The following CAMKK2 variants were observed in gnomAD, a reference collection of about 807,000 sequenced individuals.
CAMKK2 encodes the protein calcium/calmodulin dependent protein kinase kinase 2.
Under a neutral mutation model 67.2 loss-of-function variants are expected in CAMKK2, and 30 were observed. The observed-to-expected ratio is 0.45, with a 90% confidence interval of 0.33 to 0.61. The LOEUF (loss-of-function observed/expected upper bound fraction) is 0.61, where lower values mean the gene tolerates loss of function less well. CAMKK2 is among the 20% of genes least tolerant of loss of function. The pLI is 0.02. For synonymous variants in CAMKK2, 322 were observed against 326.2 expected (o/e 0.99, Z 0.14); for missense variants, 643 against 802.0 (o/e 0.80, Z 2.39).
rs375427191 is a variant in CAMKK2, at chr12:121,273,975, CA to C, written c.471+80del. The C allele has an allele frequency of 4.6e-4, 513 of 1,123,606 alleles. 2 individuals carry two copies. In the East Asian group the frequency reaches 0.012, roughly 27 times the overall value. The allele number at this position is 1,123,606 out of a possible 1,614,324, so 69.6% of individuals were successfully genotyped here. On this transcript the variant is annotated intron_variant, in intron 2 of 16. Transcript: ENST00000404169. ...GCACTCAGATCCTTCTGGGGGAGCC[CA>C]ACCTTCCACAGAGGCCCTGCTGGGG...
At position 121,240,404 on chromosome 12, in the gene CAMKK2, T is replaced by G. The variant is rs1888117597; in HGVS notation, c.*295A>C. The G allele has an allele frequency of 6.7e-7, 1 of 1,500,692 alleles. No individual in the cohort carries two copies. The highest frequency in any genetic ancestry group is 2.5e-5 in the East Asian group (1 of 40,714). 93.0% of individuals were successfully genotyped at this position (1,500,692 alleles called of 1,614,324 possible). On this transcript the variant is annotated 3_prime_UTR_variant, in exon 17 of 17. Transcript: ENST00000404169. This position sits in a 1 kb window ranked among gnomAD's most constrained non-coding sequence, Gnocchi z 4.4. ...TCTGAAAATCACAATGAAGGATTTT[T>G]GGCATAAAAACGTTTTAAAAAGCAA...
At chr12:121,255,303 T>TTTATATATAATTTTATATATATATAA (rs1891869426) in intron 9 of CAMKK2, among the ~76,000 whole-genome samples, 1 of 23,058 alleles carries the variant, frequency 4.3e-5, no homozygotes, top group Non-Finnish European at 9.7e-5. Flanking sequence ...TATATATAAT[T>TTTATATATAATTTTATATATATATAA]TTATATATAA....
At chr12:121,290,600 G>A (rs920804291) in intron 1 of CAMKK2, among the ~76,000 whole-genome samples, 1 of 152,162 alleles carries the variant, frequency 6.6e-6, no homozygotes, top group East Asian at 1.9e-4. Flanking sequence ...TGAGGCAGGA[G>A]GATCTCTTGA....
In CAMKK2 at chr12:121,274,275, G is replaced by A. The variant is rs774685926; in HGVS notation, c.252C>T (p.Asp84=). Residue 84 remains aspartate (D), a synonymous_variant, in exon 2 of 17, where the codon GAC becomes GAT. Transcript: ENST00000404169. ...LEADGQEVPL[D]TSGSQARPHL... ...GGGGCCGGGCCTGGGACCCGGAGGT[G>A]TCAAGGGGGACCTCTTGGCCATCGG... is the stretch of plus-strand genomic sequence containing the variant. 2 of 1,612,288 alleles carry A rather than the reference G, an allele frequency of 1.2e-6. No individual in the cohort carries two copies. Among genetic ancestry groups the A allele is most frequent in the Non-Finnish European group, 1.7e-6 (2 of 1,179,082 alleles).
chr12:121,257,178 G>A (rs1026567659), intron 7 of CAMKK2, among the ~76,000 whole-genome samples: 3 of 152,104 alleles, frequency 2.0e-5, no homozygotes, highest in Non-Finnish European at 4.4e-5. Context: ...TGCACTGCAT[G>A]CCGGTATTAA....
At chr12:121,259,771 C>T (rs1371162865) in intron 7 of CAMKK2, among the ~76,000 whole-genome samples, 4 of 152,004 alleles carry the variant, frequency 2.6e-5, no homozygotes, top group African/African-American at 9.7e-5. Context: ...AATTGTTTTT[C>T]TACCTTTTTT....
chr12:121,251,664 C>CA (rs753812034), intron 11 of CAMKK2, among the ~76,000 whole-genome samples: 1 of 151,682 alleles, frequency 6.6e-6, no homozygotes, highest in Non-Finnish European at 1.5e-5. Context: ...ACTATCTCTA[C>CA]AAAAATACAA....
chr12:121,243,995 G>T, intron 16 of CAMKK2: 1 of 1,531,784 alleles, frequency 6.5e-7, no homozygotes, highest in Admixed American at 2.0e-5. Flanking sequence ...CATCTGTCCT[G>T]GGAGGTTCTG....
At chr12:121,276,463 C>T (rs992248843) in intron 1 of CAMKK2, among the ~76,000 whole-genome samples, 1 of 152,096 alleles carries the variant, frequency 6.6e-6, no homozygotes, top group South Asian at 2.1e-4. Context: ...CTGAACAAGA[C>T]TCATCTCAAA....
intron 2 of CAMKK2, among the ~76,000 whole-genome samples, chr12:121,271,291 A>G (rs967508840): frequency 9.8e-5 from 14 of 142,876 alleles, no homozygotes; most frequent in Admixed American, 6.3e-4. Context: ...AAAAAAAAAA[A>G]GTTTGCAACT....
chr12:121,266,154 A>G (rs549332672), intron 5 of CAMKK2, among the ~76,000 whole-genome samples: 2 of 152,238 alleles, frequency 1.3e-5, no homozygotes, highest in African/African-American at 4.8e-5. Flanking sequence ...ACTGGTCTCA[A>G]ACTCCTGGGC....
chr12:121,257,232 C>T (rs935839636), intron 7 of CAMKK2, among the ~76,000 whole-genome samples: 2 of 150,582 alleles, frequency 1.3e-5, no homozygotes, highest in Admixed American at 6.7e-5. Flanking sequence ...ACCATGTACC[C>T]ACAAAAATTA....
intron 7 of CAMKK2, among the ~76,000 whole-genome samples, chr12:121,257,021 T>TA (rs11377456): frequency 0.79 from 117,024 of 148,266 alleles, 46,115 homozygotes; most frequent in African/African-American, 0.87. Flanking sequence ...TTTAGGAAGT[T>TA]AAAAAAAAAA....
chr12:121,297,625 T>C (rs202202274), upstream of CAMKK2: 1 of 517,126 alleles, frequency 1.9e-6, no homozygotes, highest in Non-Finnish European at 3.9e-6. Context: ...CCTGGAGGGC[T>C]CCCTGAACCG....
At chr12:121,286,910 G>T (rs1002619725) in intron 1 of CAMKK2, among the ~76,000 whole-genome samples, 2 of 151,864 alleles carry the variant, frequency 1.3e-5, no homozygotes, top group African/African-American at 4.8e-5. Flanking sequence ...TTTTTTTGGG[G>T]GGCGGGGCGG....
intron 2 of CAMKK2, among the ~76,000 whole-genome samples, chr12:121,272,660 C>G (rs749947106): frequency 1.4e-5 from 2 of 145,220 alleles, no homozygotes; most frequent in Non-Finnish European, 3.0e-5. Flanking sequence ...GTCAGGAGTT[C>G]GAGACCAGCC....
At position 121,240,446 on chromosome 12, in the gene CAMKK2, G is replaced by A. The variant is rs201337186; in HGVS notation, c.*253C>T. ...AAAAAGCAATTGTCCCAAAATGCACGTGGGTTTGGGTCTGCAACTCCTCAC... is the reference window on the plus strand; with the variant it reads ...AAAAAGCAATTGTCCCAAAATGCACATGGGTTTGGGTCTGCAACTCCTCAC... On this transcript the variant is annotated 3_prime_UTR_variant, in exon 17 of 17. Coordinates refer to ENST00000404169, the MANE Select transcript of CAMKK2 (RefSeq NM_001270485.2). This position sits in a 1 kb window ranked among gnomAD's most constrained non-coding sequence, Gnocchi z 4.4. 6 of 1,526,520 alleles carry A rather than the reference G, an allele frequency of 3.9e-6. No homozygotes were observed. Among genetic ancestry groups the A allele is most frequent in the African/African-American group, 1.4e-5 (1 of 72,266 alleles). 94.6% of individuals were successfully genotyped at this position (1,526,520 alleles called of 1,614,324 possible).
chr12:121,266,738 C>T (rs551251292), intron 5 of CAMKK2, among the ~76,000 whole-genome samples: 18 of 152,048 alleles, frequency 1.2e-4, no homozygotes, highest in African/African-American at 4.3e-4. Context: ...GTGATCCACC[C>T]GCCTCGGCCT....
chr12:121,261,902 G>A (rs1038582834), intron 6 of CAMKK2, among the ~76,000 whole-genome samples: 5 of 152,186 alleles, frequency 3.3e-5, no homozygotes, highest in East Asian at 1.9e-4. Context: ...CATCCAGCAC[G>A]GTGACAAGTC....
Sources: gnomAD v4.1 joint callset for allele counts (sites outside exome capture counted in the v4.1 genomes callset) on GRCh38, gnomAD v4.1.1 for gene constraint, Gnocchi (gnomAD v3.1) non-coding constraint, MANE v1.5 for transcripts, NCBI Gene and HGNC (gene_info 2026-07-23, HGNC 2026-07-21) for gene names.